WLS: variants seen among roughly 807,000 people sequenced by gnomAD.
The protein encoded by WLS is Wnt ligand secretion mediator, also known as protein wntless homolog.
A neutral mutation model predicts 62.8 loss-of-function variants in WLS; 23 were observed. The observed-to-expected ratio is 0.37, with a 90% confidence interval of 0.26 to 0.52. WLS has a LOEUF of 0.52. Ranked by LOEUF, WLS falls within the 20% of genes least tolerant of loss-of-function variation. The pLI, the probability that WLS is intolerant of heterozygous loss-of-function variation, is 0.92. For missense variants in WLS, 615 were observed against 697.3 expected (o/e 0.88, Z 1.33); for synonymous variants, 246 against 244.1 (o/e 1.01, Z -0.07).
In WLS at chr1:68,201,197, G is replaced by A. The variant is rs1648995685; in HGVS notation, c.107-6970C>T. On this transcript the variant is annotated intron_variant, in intron 1 of 11. Coordinates refer to ENST00000262348, the MANE Select transcript of WLS (RefSeq NM_024911.7). ...ATCATATTAACTGGCTGAGCTGTGA[G>A]GTCTTATGAGCCAAACCTGCTTACC... Among the ~76,000 whole-genome samples, 6 of 152,136 alleles carry A rather than the reference G, an allele frequency of 3.9e-5. No individual in the cohort carries two copies. The South Asian group carries it at 1.2e-3, about 32-fold the overall frequency.
intron 3 of WLS, among the ~76,000 whole-genome samples, chr1:68,155,709 C>G (rs1372127895): frequency 6.6e-6 from 1 of 152,098 alleles, no homozygotes; most frequent in Admixed American, 6.5e-5. Context: ...TCATTACACT[C>G]TTTAATGACG....
At chr1:68,211,445 T>C (rs554567091) in intron 1 of WLS, among the ~76,000 whole-genome samples, 2 of 152,160 alleles carry the variant, frequency 1.3e-5, no homozygotes, top group East Asian at 3.9e-4. Flanking sequence ...AAGAGAATTT[T>C]CCCTATCGCC....
intron 3 of WLS, 146 bp downstream of exon 3, chr1:68,158,977 A>C (rs1646936657): frequency 9.6e-7 from 1 of 1,039,682 alleles, no homozygotes; most frequent in South Asian, 1.9e-5. Flanking sequence ...GGCAGGAGAG[A>C]AGAGGAAATA....
intron 10 of WLS, 149 bp from the exon 11 acceptor site, chr1:68,138,082 G>T: frequency 1.1e-6 from 1 of 902,070 alleles, no homozygotes; most frequent in Non-Finnish European, 1.6e-6. Context: ...CTTTTAATCT[G>T]AATCATTTCG....
intron 2 of WLS, among the ~76,000 whole-genome samples, chr1:68,190,878 A>G (rs1042501182): frequency 6.6e-6 from 1 of 152,072 alleles, no homozygotes; most frequent in African/African-American, 2.4e-5. Context: ...GCCAACATGG[A>G]GAAACCCCGT....
At chr1:68,229,985 A>G (rs1237632377) in intron 1 of WLS, among the ~76,000 whole-genome samples, 3 of 152,194 alleles carry the variant, frequency 2.0e-5, no homozygotes, top group Non-Finnish European at 4.4e-5. Context: ...TTCTTCGGGA[A>G]AAACAATCTT....
At chr1:68,168,852 A>G (rs1647102406) in intron 2 of WLS, among the ~76,000 whole-genome samples, 1 of 152,172 alleles carries the variant, frequency 6.6e-6, no homozygotes, top group South Asian at 2.1e-4. Context: ...ACCTGGCTTG[A>G]ATTTTTCTTG....
At chr1:68,186,537 T>C (rs1647950641) in intron 2 of WLS, 1 of 439,794 alleles carries the variant, frequency 2.3e-6, no homozygotes, top group Non-Finnish European at 4.5e-6. Context: ...GACTTTTCCT[T>C]ACATATGAAG....
chr1:68,186,456 A>T lies in WLS; in HGVS notation c.379+7499T>A, dbSNP rs1377642517. 1.9e-5 allele frequency: 7 copies of T among 377,244 alleles called. 1 individual carries two copies. In the East Asian group the frequency reaches 2.2e-4, roughly 12 times the overall value. 23.4% of individuals were successfully genotyped at this position (377,244 alleles called of 1,614,324 possible). On this transcript the variant is annotated intron_variant, in intron 2 of 11. Coordinates refer to ENST00000262348, the MANE Select transcript of WLS (RefSeq NM_024911.7). ...GAGCCCAAACATGAAATCTCTTCTC[A>T]TTGTTTGAAATCTGAAACTCATTTC...
At chr1:68,149,756 C>T (rs1433200923) in intron 6 of WLS, among the ~76,000 whole-genome samples, 2 of 152,116 alleles carry the variant, frequency 1.3e-5, no homozygotes, top group African/African-American at 4.8e-5. Flanking sequence ...GAGCCAGGCC[C>T]ACATTCTCTG....
chr1:68,182,626 C>A (rs1242279025), intron 2 of WLS, among the ~76,000 whole-genome samples: 1 of 152,170 alleles, frequency 6.6e-6, no homozygotes, highest in Non-Finnish European at 1.5e-5. Context: ...GTAAAGAAGA[C>A]TGGCCATGTA....
intron 11 of WLS, among the ~76,000 whole-genome samples, chr1:68,101,657 T>C (rs564244715): frequency 6.6e-6 from 1 of 152,322 alleles, no homozygotes; most frequent in East Asian, 1.9e-4. Flanking sequence ...GGCTTGGTAT[T>C]ATTAAGATGC....
chr1:68,110,647 A>C (rs1646212772), intron 11 of WLS, among the ~76,000 whole-genome samples: 1 of 123,872 alleles, frequency 8.1e-6, no homozygotes, highest in South Asian at 2.7e-4. Flanking sequence ...AGAAGCCCCC[A>C]AAAATCTCTG....
intron 3 of WLS, among the ~76,000 whole-genome samples, chr1:68,156,194 C>A (rs774180729): frequency 2.6e-5 from 4 of 152,140 alleles, no homozygotes; most frequent in Non-Finnish European, 4.4e-5. Context: ...GGACTTTTCC[C>A]TGATATAGAA....
chr1:68,152,983 G>A (rs1294767356), intron 5 of WLS, among the ~76,000 whole-genome samples: 1 of 152,110 alleles, frequency 6.6e-6, no homozygotes, highest in Non-Finnish European at 1.5e-5. Context: ...ACAGGTTAAA[G>A]AACCAGAAAG....
At chr1:68,182,340 A>T (rs1226514358) in intron 2 of WLS, among the ~76,000 whole-genome samples, 4 of 152,206 alleles carry the variant, frequency 2.6e-5, no homozygotes, top group Non-Finnish European at 4.4e-5. Flanking sequence ...ACTCAAAGCC[A>T]AAGGTTCCCA....
In WLS at chr1:68,206,010, G is replaced by A. The variant is rs530859424; in HGVS notation, c.107-11783C>T. 6.2e-4 allele frequency among the ~76,000 whole-genome samples: 95 copies of A among 152,288 alleles called. 1 individual carries two copies. The highest frequency in any genetic ancestry group is 2.1e-3 in the African/African-American group (86 of 41,562). On this transcript the variant is annotated intron_variant, in intron 1 of 11. Transcript: ENST00000262348. Reference sequence around the variant, plus strand: ...CTGAAGTGACTCAGAGATTCAGAAGGGTGACAGGCAGGGGCAGTTTTTACT... The same window carrying A: ...CTGAAGTGACTCAGAGATTCAGAAGAGTGACAGGCAGGGGCAGTTTTTACT...
intron 2 of WLS, among the ~76,000 whole-genome samples, chr1:68,165,490 G>A (rs1444894067): frequency 6.6e-6 from 1 of 152,176 alleles, no homozygotes; most frequent in Non-Finnish European, 1.5e-5. Context: ...CAAGGTCTGT[G>A]TGGCCTCTTT....
At chr1:68,178,264 C>A (rs1647346038) in intron 2 of WLS, among the ~76,000 whole-genome samples, 1 of 152,180 alleles carries the variant, frequency 6.6e-6, no homozygotes, top group Non-Finnish European at 1.5e-5. Context: ...ATGCACTGAA[C>A]ACACTGGTGT....
Sources: allele counts gnomAD v4.1 joint callset (sites outside exome capture counted in the v4.1 genomes callset), GRCh38; gene constraint gnomAD v4.1.1; transcripts MANE v1.5; gene names NCBI Gene and HGNC (gene_info 2026-07-23, HGNC 2026-07-21).